Variants in ARHGEF10L observed in about 807,000 individuals in gnomAD.
ARHGEF10L encodes Rho guanine nucleotide exchange factor 10 like.
In ARHGEF10L, 69 loss-of-function variants were observed where a neutral mutation model predicts 141.2. The ratio of observed to expected loss-of-function variants is 0.49; its 90% CI spans 0.40 to 0.60. The LOEUF (loss-of-function observed/expected upper bound fraction) is 0.60, where lower values mean the gene tolerates loss of function less well. ARHGEF10L is among the 20% of genes least tolerant of loss of function. The pLI, the probability that ARHGEF10L is intolerant of heterozygous loss-of-function variation, is 0.00. For missense variants in ARHGEF10L, 1,482 were observed against 1,734.3 expected, an observed-to-expected ratio of 0.85 and a Z score of 2.58; for synonymous variants, 711 against 718.5, an observed-to-expected ratio of 0.99 and a Z score of 0.17.
intron 16 of ARHGEF10L, among the ~76,000 whole-genome samples, chr1:17,633,582 C>A (rs1442887129): frequency 1.3e-5 from 2 of 152,010 alleles, no homozygotes; most frequent in Non-Finnish European, 2.9e-5. Flanking sequence ...AAACTCCTGA[C>A]CTCAGGTGAT....
At chr1:17,513,591 A>G in the ARHGEF10L span, among the ~76,000 whole-genome samples, 1 of 152,190 alleles carries the variant, frequency 6.6e-6, no homozygotes, top group Non-Finnish European at 1.5e-5. Flanking sequence ...GGGAGGGTAG[A>G]GAAAGGTTTT....
At chr1:17,689,644 TC>T (rs1431259006) in intron 27 of ARHGEF10L, 1 of 256,198 alleles carries the variant, frequency 3.9e-6, no homozygotes, top group Non-Finnish European at 7.7e-6. Context: ...CTTTCTTGTT[TC>T]ATAGTATTTA....
chr1:17,651,369 A>C (rs2061924002), intron 22 of ARHGEF10L, among the ~76,000 whole-genome samples: 1 of 152,194 alleles, frequency 6.6e-6, no homozygotes, highest in African/African-American at 2.4e-5. Flanking sequence ...GGCTGGAGGC[A>C]GCGACCATGG....
intron 1 of ARHGEF10L, among the ~76,000 whole-genome samples, chr1:17,556,689 A>C (rs983369589): frequency 2.0e-5 from 3 of 152,190 alleles, no homozygotes; most frequent in African/African-American, 7.2e-5. Flanking sequence ...AGGGTCACCC[A>C]GACAAGCCTG....
At chr1:17,608,275 T>G (rs2101042887) in intron 7 of ARHGEF10L, among the ~76,000 whole-genome samples, 1 of 152,320 alleles carries the variant, frequency 6.6e-6, no homozygotes, top group South Asian at 2.1e-4. Context: ...ATCCTGATGC[T>G]CACGGGCTCA....
chr1:17,559,460 C>G (rs962953840), intron 1 of ARHGEF10L, among the ~76,000 whole-genome samples: 4 of 152,168 alleles, frequency 2.6e-5, no homozygotes, highest in African/African-American at 9.7e-5. Context: ...ATTCAATGCT[C>G]TGAGCTCAGA....
At chr1:17,687,094 C>T (rs148340891) in intron 26 of ARHGEF10L, among the ~76,000 whole-genome samples, 129 of 152,238 alleles carry the variant, frequency 8.5e-4, no homozygotes, top group African/African-American at 2.8e-3. Context: ...GTTCCTTCCC[C>T]GGTCATTCTC....
chr1:17,628,369 T>C (rs923218369), intron 15 of ARHGEF10L, among the ~76,000 whole-genome samples: 1 of 152,072 alleles, frequency 6.6e-6, no homozygotes, highest in African/African-American at 2.4e-5. Flanking sequence ...GACTTGCAAA[T>C]GAGTCTGTAG....
Position 17,621,962 on chromosome 1 carries a change from C to T in ARHGEF10L, c.1020+21C>T, listed in dbSNP as rs1188346986. 2.5e-6 allele frequency: 4 copies of T among 1,613,646 alleles called. No homozygotes were observed. The highest frequency in any genetic ancestry group is 1.7e-5 in the Admixed American group (1 of 60,006). ...TCCAGGTGCGACTTCAGGGAGTTCT[C>T]AAGGGTCTCTGGGGAGAAGCAGGGA... is the stretch of plus-strand genomic sequence containing the variant. On this transcript the variant is annotated intron_variant, in intron 11 of 28. Coordinates refer to ENST00000361221, the MANE Select transcript of ARHGEF10L (RefSeq NM_018125.4). The surrounding 1 kb of genome is among the most constrained non-coding windows in gnomAD (Gnocchi z 4.1).
the ARHGEF10L span, among the ~76,000 whole-genome samples, chr1:17,533,460 G>C: frequency 6.6e-6 from 1 of 152,156 alleles, no homozygotes; most frequent in South Asian, 2.1e-4. Flanking sequence ...GTGAGCCACT[G>C]TGCCGGCTTG....
intron 26 of ARHGEF10L, among the ~76,000 whole-genome samples, chr1:17,666,145 A>G (rs2062964820): frequency 6.6e-6 from 1 of 152,196 alleles, no homozygotes; most frequent in South Asian, 2.1e-4. Context: ...TTCAGATGCT[A>G]ATCTCATCTG....
chr1:17,536,118 G>C (rs931628808), upstream of ARHGEF10L, among the ~76,000 whole-genome samples: 1 of 152,208 alleles, frequency 6.6e-6, no homozygotes, highest in Non-Finnish European at 1.5e-5. Context: ...GAGTAGTCAG[G>C]GGCATTCCAG....
chr1:17,651,576 C>T (rs1425681535), intron 22 of ARHGEF10L, among the ~76,000 whole-genome samples: 1 of 152,146 alleles, frequency 6.6e-6, no homozygotes, highest in African/African-American at 2.4e-5. Context: ...CAGAACTGGC[C>T]ACTGCCTCCA....
rs774374841 is a variant in ARHGEF10L, at chr1:17,587,456, C to T, written c.38-4C>T. 48 of 1,611,178 alleles carry T rather than the reference C, an allele frequency of 3.0e-5. No homozygotes were observed. The highest frequency in any genetic ancestry group is 3.8e-5 in the Non-Finnish European group (45 of 1,178,748). On this transcript the variant is annotated splice_polypyrimidine_tract_variant and splice_region_variant and intron_variant, in intron 2 of 28. Transcript: ENST00000361221. ...CAGCCTGGCCAACTCCTTCTCTCTTCCAGGAGATCAGCTGGTTCCAGGAGT... is the reference window on the plus strand; with the variant it reads ...CAGCCTGGCCAACTCCTTCTCTCTTTCAGGAGATCAGCTGGTTCCAGGAGT...
intron 7 of ARHGEF10L, among the ~76,000 whole-genome samples, chr1:17,611,867 C>G (rs1030227590): frequency 6.6e-6 from 1 of 152,182 alleles, no homozygotes; most frequent in Non-Finnish European, 1.5e-5. Context: ...AGAAGTAGCA[C>G]CTGTCTTGGT....
At chr1:17,653,882 C>A (rs902986299) in intron 22 of ARHGEF10L, among the ~76,000 whole-genome samples, 2 of 152,214 alleles carry the variant, frequency 1.3e-5, no homozygotes, top group Admixed American at 6.5e-5. Context: ...CGCCCATGGC[C>A]ATTAGAAATT....
At chr1:17,572,687 A>G (rs1236522498) in intron 1 of ARHGEF10L, among the ~76,000 whole-genome samples, 1 of 152,200 alleles carries the variant, frequency 6.6e-6, no homozygotes, top group Non-Finnish European at 1.5e-5. Context: ...GCCTGAGGAC[A>G]GGAACCCGGA....
At chr1:17,618,489 C>CCCT (rs753543385) in intron 9 of ARHGEF10L, 30 of 1,448,036 alleles carry the variant, frequency 2.1e-5, no homozygotes, top group Admixed American at 7.7e-5. Flanking sequence ...CATCCGCTGT[C>CCCT]CCTCCTCCTC....
rs1269481060 is a variant in ARHGEF10L, at chr1:17,697,721, T to TGTGC, written c.*345_*348dup. ...GCCACACGCCCCTCCTGGAAGGGTG[T>TGTGC]GTGCGTGTGAGTGTGTGCGAGTGTG... On this transcript the variant is annotated 3_prime_UTR_variant, in exon 29 of 29. Coordinates refer to ENST00000361221, the MANE Select transcript of ARHGEF10L (RefSeq NM_018125.4). The surrounding 1 kb of genome is among the most constrained non-coding windows in gnomAD (Gnocchi z 4.8). The TGTGC allele has an allele frequency of 9.8e-6, 5 of 511,966 alleles. No individual in the cohort carries two copies. The highest frequency in any genetic ancestry group is 1.9e-5 in the Non-Finnish European group (5 of 264,158). 31.7% of individuals were successfully genotyped at this position (511,966 alleles called of 1,614,324 possible).
Sources: allele counts gnomAD v4.1 joint callset (sites outside exome capture counted in the v4.1 genomes callset), GRCh38; gene constraint gnomAD v4.1.1; non-coding constraint Gnocchi (gnomAD v3.1); transcripts MANE v1.5; gene names NCBI Gene and HGNC (gene_info 2026-07-23, HGNC 2026-07-21).